The following FGF12 variants were observed in gnomAD, a reference collection of about 807,000 sequenced individuals.
FGF12 encodes fibroblast growth factor 12B.
Under a neutral mutation model 23.6 loss-of-function variants are expected in FGF12, and 14 were observed. The ratio of observed to expected loss-of-function variants is 0.59; its 90% CI spans 0.39 to 0.93. The LOEUF (loss-of-function observed/expected upper bound fraction) is 0.93. Ranked by LOEUF, FGF12 falls within the 40% of genes least tolerant of loss-of-function variation. The pLI, the probability that FGF12 is intolerant of heterozygous loss-of-function variation, is 0.00. For missense variants in FGF12, 175 were observed against 217.8 expected (o/e 0.80, Z 1.24); for synonymous variants, 62 against 77.3 (o/e 0.80, Z 1.04).
intron 2 of FGF12, among the ~76,000 whole-genome samples, chr3:192,611,950 CAAGT>C (rs1714564082): frequency 6.6e-6 from 1 of 151,978 alleles, no homozygotes; most frequent in Admixed American, 6.6e-5. Flanking sequence ...TCTCTGCACT[CAAGT>C]GAGTTGAGGG....
intron 2 of FGF12, among the ~76,000 whole-genome samples, chr3:192,683,263 A>T (rs1232565681): frequency 2.6e-5 from 4 of 152,168 alleles, no homozygotes; most frequent in Non-Finnish European, 1.5e-5. Context: ...TAACCTGTGG[A>T]GTCAGTGCTA....
chr3:192,413,890 C>T (rs980030499), intron 2 of FGF12, among the ~76,000 whole-genome samples: 1 of 152,206 alleles, frequency 6.6e-6, no homozygotes, highest in Non-Finnish European at 1.5e-5. Flanking sequence ...TGTATTTCCA[C>T]TTGCTTTTTT....
At position 192,250,560 on chromosome 3, in the gene FGF12, A is replaced by G. The variant is rs143934653; in HGVS notation, c.229-79904T>C. 1.7e-3 allele frequency among the ~76,000 whole-genome samples: 265 copies of G among 152,282 alleles called. 1 individual carries two copies. Among genetic ancestry groups the G allele is most frequent in the African/African-American group, 6.1e-3 (253 of 41,588 alleles). On this transcript the variant is annotated intron_variant, in intron 4 of 5. Coordinates refer to ENST00000445105, the MANE Select transcript of FGF12 (RefSeq NM_004113.6). The stretch of plus-strand genomic sequence containing the variant: ...TATTTCAAGTTTGTTTCAGCCATAA[A>G]ATTCTGATCATACTCTCCCTATCTA...
chr3:192,627,328 A>C (rs543622263), intron 2 of FGF12, among the ~76,000 whole-genome samples: 15 of 152,062 alleles, frequency 9.9e-5, no homozygotes, highest in South Asian at 6.2e-4. Context: ...AAAACATATA[A>C]AATACTATAT....
At chr3:192,381,801 T>C (rs1228454599) in intron 2 of FGF12, among the ~76,000 whole-genome samples, 5 of 152,060 alleles carry the variant, frequency 3.3e-5, no homozygotes, top group African/African-American at 4.8e-5. Context: ...TTTGGTGAAT[T>C]TAAACAACTG....
chr3:192,163,288 C>G (rs76173915), intron 5 of FGF12, among the ~76,000 whole-genome samples: 3,292 of 152,174 alleles, frequency 0.022, 110 homozygotes, highest in African/African-American at 0.075. Context: ...TATTAGGTTG[C>G]TCTAAGAGGT....
At chr3:192,461,993 GAA>G (rs796434926) in intron 2 of FGF12, among the ~76,000 whole-genome samples, 1 of 135,468 alleles carries the variant, frequency 7.4e-6, no homozygotes, top group African/African-American at 2.7e-5. Flanking sequence ...TCTGTCACAA[GAA>G]AAAAAAAAAC....
chr3:192,629,595 T>C (rs1715308540), intron 2 of FGF12, among the ~76,000 whole-genome samples: 1 of 152,220 alleles, frequency 6.6e-6, no homozygotes, highest in African/African-American at 2.4e-5. Flanking sequence ...CTTCCCTGCA[T>C]TATTTGGCTC....
At chr3:192,582,216 T>C (rs2108615060) in intron 2 of FGF12, among the ~76,000 whole-genome samples, 1 of 152,366 alleles carries the variant, frequency 6.6e-6, no homozygotes, top group South Asian at 2.1e-4. Context: ...TTAGAATCTC[T>C]ATAAAGTTAT....
chr3:192,525,101 G>C (rs1050719566), intron 2 of FGF12, among the ~76,000 whole-genome samples: 23 of 151,900 alleles, frequency 1.5e-4, no homozygotes, highest in African/African-American at 5.1e-4. Flanking sequence ...TCCTCTAAGT[G>C]TTACTATTTA....
intron 2 of FGF12, among the ~76,000 whole-genome samples, chr3:192,595,281 T>C (rs1316734288): frequency 6.6e-6 from 1 of 152,200 alleles, no homozygotes; most frequent in African/African-American, 2.4e-5. Context: ...TTTGGAAAAT[T>C]ATATTTGGAC....
chr3:192,526,086 A>G (rs1283814939), intron 2 of FGF12, among the ~76,000 whole-genome samples: 1 of 152,118 alleles, frequency 6.6e-6, no homozygotes, highest in Non-Finnish European at 1.5e-5. Flanking sequence ...TCACACTTCC[A>G]TGTTCATGTC....
intron 4 of FGF12, among the ~76,000 whole-genome samples, chr3:192,285,213 T>C (rs1339663705): frequency 1.3e-5 from 2 of 152,030 alleles, no homozygotes; most frequent in Non-Finnish European, 2.9e-5. Context: ...AAGCAATACC[T>C]GTGACAGTGG....
At chr3:192,489,954 C>A (rs945040257) in intron 2 of FGF12, among the ~76,000 whole-genome samples, 1 of 152,024 alleles carries the variant, frequency 6.6e-6, no homozygotes, top group Non-Finnish European at 1.5e-5. Flanking sequence ...ATTTAACAAA[C>A]CTACACATGT....
chr3:192,709,251 A>G (rs922727729), intron 2 of FGF12, among the ~76,000 whole-genome samples: 1 of 152,218 alleles, frequency 6.6e-6, no homozygotes, highest in African/African-American at 2.4e-5. Context: ...CTGTTCTTCT[A>G]GCTTAAGAAT....
intron 4 of FGF12, among the ~76,000 whole-genome samples, chr3:192,201,609 T>C (rs1332576696): frequency 6.6e-6 from 1 of 152,168 alleles, no homozygotes. Context: ...AGTCTTATAT[T>C]CATCCCTCTC....
At chr3:192,263,504 G>A (rs967070903) in intron 4 of FGF12, among the ~76,000 whole-genome samples, 14 of 149,658 alleles carry the variant, frequency 9.4e-5, no homozygotes, top group Admixed American at 4.7e-4. Flanking sequence ...AAAACTACTC[G>A]TTAAAATCAT....
chr3:192,384,542 G>A (rs1292730009), intron 2 of FGF12, among the ~76,000 whole-genome samples: 1 of 152,092 alleles, frequency 6.6e-6, no homozygotes, highest in Non-Finnish European at 1.5e-5. Context: ...TTATTCAGAT[G>A]CAAAAGTGTT....
At chr3:192,668,017 C>T (rs979940201) in intron 2 of FGF12, among the ~76,000 whole-genome samples, 4 of 151,960 alleles carry the variant, frequency 2.6e-5, no homozygotes, top group Non-Finnish European at 5.9e-5. Context: ...AGATGTTCAT[C>T]GTTGTGATGT....
Sources: allele counts gnomAD v4.1 joint callset (sites outside exome capture counted in the v4.1 genomes callset), GRCh38; gene constraint gnomAD v4.1.1; transcripts MANE v1.5; gene names NCBI Gene and HGNC (gene_info 2026-07-23, HGNC 2026-07-21).